MEG3: variants seen among roughly 807,000 people sequenced by gnomAD.
MEG3 encodes Very putative protein from MEG3 locus.
intron 2 of MEG3, among the ~76,000 whole-genome samples, chr14:100,836,761 T>C (rs1441771435): frequency 6.6e-6 from 1 of 152,214 alleles, no homozygotes; most frequent in Non-Finnish European, 1.5e-5. Flanking sequence ...CCAGCCATGG[T>C]AGCGTCACCC....
At chr14:100,847,725 CT>C (rs1007944472) in intron 3 of MEG3, 3 of 152,134 alleles carry the variant, frequency 2.0e-5, no homozygotes, top group Non-Finnish European at 4.4e-5. Context: ...GGGGTCCCCC[CT>C]GGGCACCCCA....
upstream of MEG3, chr14:100,854,159 T>G (rs982626122): frequency 6.6e-6 from 1 of 152,268 alleles, no homozygotes; most frequent in East Asian, 1.9e-4. Context: ...TGTTCAGCAA[T>G]GTATGACCAC....
At chr14:100,852,627 G>T, upstream of MEG3, 1 of 344,550 alleles carries the variant, frequency 2.9e-6, no homozygotes, top group Non-Finnish European at 5.8e-6. Flanking sequence ...GGGGCGGGAG[G>T]GGTTCAGGGC....
intron 2 of MEG3, among the ~76,000 whole-genome samples, chr14:100,842,281 A>G (rs2037782991): frequency 6.6e-6 from 1 of 152,220 alleles, no homozygotes; most frequent in East Asian, 1.9e-4. Flanking sequence ...AACAGGCACC[A>G]AATAGGCCCT....
chr14:100,852,490 T>A (rs2038112230), upstream of MEG3: 1 of 511,542 alleles, frequency 2.0e-6, no homozygotes, highest in Admixed American at 2.0e-5. Flanking sequence ...CTGCTCTTCT[T>A]CTCTTTCAGA....
chr14:100,857,663 C>G (rs1253275947), exon 1 of MEG3: 1 of 152,220 alleles, frequency 6.6e-6, no homozygotes, highest in Non-Finnish European at 1.5e-5. Flanking sequence ...GCCCTGCCCC[C>G]CATTCCAACG....
chr14:100,832,614 GGAAAAACACACT>G (rs1217955787), downstream of MEG3: 4 of 152,754 alleles, frequency 2.6e-5, no homozygotes, highest in Non-Finnish European at 5.9e-5. Context: ...TGTCTGCGAA[GGAAAAACACACT>G]GATTATCATA....
chr14:100,835,048 C>T (rs568427389), exon 1 of MEG3: 7 of 347,204 alleles, frequency 2.0e-5, no homozygotes, highest in African/African-American at 6.4e-5. Flanking sequence ...GAGGGCGGGC[C>T]GGGGGGTTGC....
At chr14:100,855,348 C>G (rs1372583880), upstream of MEG3, 1 of 152,290 alleles carries the variant, frequency 6.6e-6, no homozygotes, top group African/African-American at 2.4e-5. Flanking sequence ...AGCAAACACC[C>G]TTTCTTGTAG....
chr14:100,841,834 T>C (rs748312124), intron 2 of MEG3, among the ~76,000 whole-genome samples: 2 of 152,214 alleles, frequency 1.3e-5, no homozygotes, highest in African/African-American at 2.4e-5. Context: ...ACTGGACTTG[T>C]GGCTTCAGAA....
At chr14:100,831,288 CTG>C (rs1159821935), downstream of MEG3, 1 of 153,200 alleles carries the variant, frequency 6.5e-6, no homozygotes, top group Non-Finnish European at 1.5e-5. Flanking sequence ...AGAATTGTAC[CTG>C]TCTCAGTCCC....
intron 3 of MEG3, chr14:100,846,699 C>T (rs1434223132): frequency 6.6e-6 from 1 of 152,136 alleles, no homozygotes; most frequent in Non-Finnish European, 1.5e-5. Context: ...TGTGTGTACA[C>T]AAGACCATGG....
chr14:100,849,941 G>A (rs910170342), intron 3 of MEG3: 5 of 144,112 alleles, frequency 3.5e-5, no homozygotes, highest in African/African-American at 1.5e-4. Context: ...GAAAAATAGA[G>A]AGACATACCT....
rs1176232913 is a variant in MEG3, at chr14:100,845,302, C to T, written n.3046-156C>T. Among the ~76,000 whole-genome samples, 4 of 152,182 alleles carry T rather than the reference C, an allele frequency of 2.6e-5. No homozygotes were observed. The highest frequency in any genetic ancestry group is 7.2e-5 in the African/African-American group (3 of 41,444). On this transcript the variant is annotated intron_variant and non_coding_transcript_variant, in intron 2 of 3. Transcript: ENST00000398461. This position sits in a 1 kb window ranked among gnomAD's most constrained non-coding sequence, Gnocchi z 5.2. ...GGTGAGTGGAGTCAGGAGAGAAATG[C>T]GTGGCTTCTCCAATTCCACACTTGC...
intron 3 of MEG3, chr14:100,849,630 A>G (rs2139992239): frequency 6.6e-6 from 1 of 152,390 alleles, no homozygotes; most frequent in Non-Finnish European, 1.5e-5. Context: ...AAAATAAAGA[A>G]AAACCAATAA....
At chr14:100,843,528 CTTG>C (rs372264278) in intron 2 of MEG3, among the ~76,000 whole-genome samples, 23 of 152,314 alleles carry the variant, frequency 1.5e-4, no homozygotes, top group African/African-American at 4.8e-4. Flanking sequence ...TATTTTAAGA[CTTG>C]TTGTTTCTTG....
chr14:100,832,459 C>A (rs776619384), downstream of MEG3: 1 of 152,516 alleles, frequency 6.6e-6, no homozygotes, highest in Non-Finnish European at 1.5e-5. Context: ...CTTACCCTGG[C>A]GGTGTTTTTC....
At chr14:100,841,606 C>T (rs989600730) in intron 2 of MEG3, among the ~76,000 whole-genome samples, 1 of 152,168 alleles carries the variant, frequency 6.6e-6, no homozygotes, top group African/African-American at 2.4e-5. Context: ...GAAGCCCCTG[C>T]CAGTTGCCAG....
chr14:100,839,986 G>A (rs1301358826), intron 2 of MEG3, among the ~76,000 whole-genome samples: 1 of 152,150 alleles, frequency 6.6e-6, no homozygotes, highest in African/African-American at 2.4e-5. Context: ...TGAGGACTTG[G>A]GACATATCTC....
Sources: gnomAD v4.1 joint callset for allele counts (sites outside exome capture counted in the v4.1 genomes callset) on GRCh38, gnomAD v4.1.1 for gene constraint, Gnocchi (gnomAD v3.1) non-coding constraint, MANE v1.5 for transcripts, NCBI Gene and HGNC (gene_info 2026-07-23, HGNC 2026-07-21) for gene names.